FKBP5: variants seen among roughly 807,000 people sequenced by gnomAD.
The protein encoded by FKBP5 is peptidyl-prolyl cis-trans isomerase FKBP5.
In FKBP5, 23 loss-of-function variants were observed where a neutral mutation model predicts 50.5. The ratio of observed to expected loss-of-function variants is 0.46; its 90% confidence interval spans 0.33 to 0.65. FKBP5 has a LOEUF of 0.65. FKBP5 is among the 30% of genes least tolerant of loss of function. FKBP5 has a pLI of 0.02. For synonymous variants in FKBP5, 176 were observed against 190.6 expected (o/e 0.92, Z 0.63); for missense variants, 411 against 553.1 (o/e 0.74, Z 2.58).
At chr6:35,704,690 C>T (rs1581896315) in intron 2 of FKBP5, among the ~76,000 whole-genome samples, 2 of 142,862 alleles carry the variant, frequency 1.4e-5, no homozygotes, top group East Asian at 4.2e-4. Flanking sequence ...TTACTGTTTG[C>T]AATCCCAATG....
rs111310108 is a variant in FKBP5, at chr6:35,632,326, G to A, written c.250+4688C>T. Among the ~76,000 whole-genome samples, 821 of 152,110 alleles carry A rather than the reference G, an allele frequency of 5.4e-3. 11 individuals carry two copies. The highest frequency in any genetic ancestry group is 0.018 in the African/African-American group (749 of 41,460). ...TGAGCATTGTTTCCAAGGTTTGTAC[G>A]CATGCATAGTCAACAGATGAAGTCA... On this transcript the variant is annotated intron_variant, in intron 3 of 10. Transcript: ENST00000357266.
chr6:35,606,049 A>G lies in FKBP5; in HGVS notation c.509-8645T>C, dbSNP rs1464503808. On this transcript the variant is annotated intron_variant, in intron 5 of 10. Coordinates refer to ENST00000357266, the MANE Select transcript of FKBP5 (RefSeq NM_004117.4). ...AAGTCCCCAAAATCAAATGCAACAA[A>G]AAGAAAAACTGACAGTTGGGACCTA... Among the ~76,000 whole-genome samples, 6 of 152,236 alleles carry G rather than the reference A, an allele frequency of 3.9e-5. No individual in the cohort carries two copies. The East Asian group carries it at 9.6e-4, about 24-fold the overall frequency.
chr6:35,597,727 T>A (rs558815921), intron 5 of FKBP5, among the ~76,000 whole-genome samples: 11 of 152,220 alleles, frequency 7.2e-5, no homozygotes, highest in Admixed American at 2.6e-4. Flanking sequence ...AGTCAAGAGA[T>A]GCTGAATTAT....
At chr6:35,586,354 T>A in intron 8 of FKBP5, 1 of 985,264 alleles carries the variant, frequency 1.0e-6, no homozygotes. Flanking sequence ...TAAAAGCAAG[T>A]GTGCAGGAAT....
At chr6:35,646,285 A>G (rs1764628209) in intron 1 of FKBP5, among the ~76,000 whole-genome samples, 1 of 152,218 alleles carries the variant, frequency 6.6e-6, no homozygotes, top group Admixed American at 6.5e-5. Context: ...TTTGGCTCCA[A>G]CACTTCAAGG....
chr6:35,725,256 C>A (rs1451497160), intron 1 of FKBP5, among the ~76,000 whole-genome samples: 1 of 152,096 alleles, frequency 6.6e-6, no homozygotes, highest in Non-Finnish European at 1.5e-5. Flanking sequence ...TGCCGCGAGG[C>A]CCCCACCTCT....
chr6:35,673,175 C>T (rs1164904722), intron 1 of FKBP5, among the ~76,000 whole-genome samples: 1 of 152,184 alleles, frequency 6.6e-6, no homozygotes, highest in Non-Finnish European at 1.5e-5. Context: ...TATCACATTA[C>T]ATCTAGGTAG....
chr6:35,590,911 A>T (rs1038921743), intron 7 of FKBP5, among the ~76,000 whole-genome samples: 1 of 151,234 alleles, frequency 6.6e-6, no homozygotes, highest in African/African-American at 2.4e-5. Flanking sequence ...AAAAGCTGAC[A>T]CATAGGAACA....
chr6:35,603,534 A>G (rs1251534305), intron 5 of FKBP5, among the ~76,000 whole-genome samples: 2 of 152,234 alleles, frequency 1.3e-5, no homozygotes, highest in South Asian at 2.1e-4. Context: ...TGAATCTATT[A>G]GTATTCCTAT....
chr6:35,681,167 T>G (rs1047794897), intron 1 of FKBP5, among the ~76,000 whole-genome samples: 3 of 152,218 alleles, frequency 2.0e-5, no homozygotes, highest in African/African-American at 7.2e-5. Context: ...TTAGCTTTCT[T>G]TCCTTTATTA....
At chr6:35,587,641 A>C (rs1762642780) in intron 7 of FKBP5, among the ~76,000 whole-genome samples, 2 of 152,228 alleles carry the variant, frequency 1.3e-5, no homozygotes, top group South Asian at 4.1e-4. Flanking sequence ...AATTGTATCA[A>C]CTTGCAGATG....
chr6:35,618,589 T>G (rs1417847999), intron 5 of FKBP5, among the ~76,000 whole-genome samples: 1 of 152,216 alleles, frequency 6.6e-6, no homozygotes, highest in Non-Finnish European at 1.5e-5. Context: ...CTGTCCTGGC[T>G]GGTCTCGAAT....
intron 6 of FKBP5, among the ~76,000 whole-genome samples, chr6:35,591,909 A>G (rs1185021103): frequency 2.6e-5 from 4 of 152,228 alleles, no homozygotes; most frequent in African/African-American, 7.2e-5. Context: ...GTAGGATTCT[A>G]TACCTTTTAG....
At chr6:35,722,188 T>C (rs1019978781) in intron 1 of FKBP5, among the ~76,000 whole-genome samples, 3 of 151,804 alleles carry the variant, frequency 2.0e-5, no homozygotes, top group Non-Finnish European at 4.4e-5. Context: ...TTTTTTTTTA[T>C]GGCCTGTCCC....
At chr6:35,692,756 A>C (rs1289557281), upstream of FKBP5, among the ~76,000 whole-genome samples, 12 of 143,512 alleles carry the variant, frequency 8.4e-5, no homozygotes, top group Admixed American at 8.9e-4. Flanking sequence ...GCACCACTGC[A>C]CTCCAGCCTG....
intron 3 of FKBP5, among the ~76,000 whole-genome samples, chr6:35,623,017 C>T (rs1451457275): frequency 6.6e-5 from 10 of 151,596 alleles, no homozygotes; most frequent in South Asian, 2.1e-4. Context: ...CTGAGGCGGG[C>T]GGATCACAAA....
upstream of FKBP5, among the ~76,000 whole-genome samples, chr6:35,690,674 A>G (rs2151015661): frequency 6.6e-6 from 1 of 152,266 alleles, no homozygotes; most frequent in African/African-American, 2.4e-5. Flanking sequence ...TCCTCTGCAT[A>G]CTAATACCAA....
At chr6:35,591,060 G>C in intron 7 of FKBP5, 70 bp downstream of exon 7, 1 of 1,007,718 alleles carries the variant, frequency 9.9e-7, no homozygotes, top group Non-Finnish European at 1.5e-6. Context: ...ACTAAGATAA[G>C]ATACTGATTT....
intron 2 of FKBP5, among the ~76,000 whole-genome samples, chr6:35,719,377 T>G (rs1282834989): frequency 2.0e-5 from 3 of 152,188 alleles, no homozygotes; most frequent in Non-Finnish European, 2.9e-5. Flanking sequence ...GTCTGAAATC[T>G]TGATCTAGGT....
Sources: gnomAD v4.1 joint callset for allele counts (sites outside exome capture counted in the v4.1 genomes callset) on GRCh38, gnomAD v4.1.1 for gene constraint, MANE v1.5 for transcripts, NCBI Gene and HGNC (gene_info 2026-07-23, HGNC 2026-07-21) for gene names.